Variants in CDS1 observed in about 807,000 individuals in gnomAD.
The protein encoded by CDS1 is CDP-diacylglycerol synthase 1, also known as phosphatidate cytidylyltransferase 1.
Under a neutral mutation model 62.1 loss-of-function variants are expected in CDS1, and 41 were observed. The observed-to-expected ratio is 0.66, with a 90% CI of 0.51 to 0.86. The LOEUF (loss-of-function observed/expected upper bound fraction) is 0.86, where lower values mean the gene tolerates loss of function less well. Ranked by LOEUF, CDS1 falls within the 40% of genes least tolerant of loss-of-function variation. The probability of loss-of-function intolerance (pLI) is 0.00; values close to 1 mark genes in which losing one functional copy is unlikely to be tolerated. For synonymous variants in CDS1, 185 were observed against 192.6 expected (o/e 0.96, Z 0.32); for missense variants, 470 against 550.1 (o/e 0.85, Z 1.46).
intron 5 of CDS1, among the ~76,000 whole-genome samples, chr4:84,622,303 T>C (rs1024494891): frequency 6.6e-6 from 1 of 152,158 alleles, no homozygotes; most frequent in African/African-American, 2.4e-5. Flanking sequence ...TTAAAACAAC[T>C]GCGGGCCAGG....
At chr4:84,623,856 A>T (rs2148651085) in intron 5 of CDS1, among the ~76,000 whole-genome samples, 1 of 152,110 alleles carries the variant, frequency 6.6e-6, no homozygotes, top group African/African-American at 2.4e-5. Flanking sequence ...TCATGACTGC[A>T]GTTCGTGCCG....
rs751158004 is a variant in CDS1, at chr4:84,617,609, GGTTATAGAGTC to G, written c.389_399del (p.Gly130ValfsTer5). On this transcript the variant is annotated frameshift_variant, in exon 4 of 13. Coordinates refer to ENST00000295887, the MANE Select transcript of CDS1 (RefSeq NM_001263.4). LOFTEE classifies it high-confidence loss of function. ...ATGCTTCCATGAAATTATCACTATA[GGTTATAGAGTC>G]TATCATTCTTATGATCTACCATGGT... 4 of 1,597,566 alleles carry G rather than the reference GGTTATAGAGTC, an allele frequency of 2.5e-6. No homozygotes were observed.
intron 9 of CDS1, 89 bp downstream of exon 9, chr4:84,639,081 C>G: frequency 2.0e-6 from 1 of 502,202 alleles, no homozygotes; most frequent in East Asian, 3.7e-5. Flanking sequence ...AAAAATTAAA[C>G]CACAAAATGC....
intron 5 of CDS1, among the ~76,000 whole-genome samples, chr4:84,620,381 C>T (rs1419528704): frequency 6.6e-6 from 1 of 151,742 alleles, no homozygotes; most frequent in African/African-American, 2.4e-5. Flanking sequence ...CGCCACCACA[C>T]CCGACTAATT....
intron 1 of CDS1, among the ~76,000 whole-genome samples, chr4:84,600,786 AT>A (rs1190516438): frequency 6.6e-6 from 1 of 152,164 alleles, no homozygotes; most frequent in Admixed American, 6.5e-5. Flanking sequence ...TTTCATAGAC[AT>A]TTTAGAAAAA....
rs1390272631 is a variant in CDS1, at chr4:84,620,916, C to T, written c.580+1383C>T. Reference sequence around the variant, plus strand: ...TCTCTACTAAAAATACAGAATTAGCCGGGCATGGTGGTGCATGCTTGTAAT... The same window carrying T: ...TCTCTACTAAAAATACAGAATTAGCTGGGCATGGTGGTGCATGCTTGTAAT... On this transcript the variant is annotated intron_variant, in intron 5 of 12. Transcript: ENST00000295887. Among the ~76,000 whole-genome samples, 8 of 152,098 alleles carry T rather than the reference C, an allele frequency of 5.3e-5. No homozygotes were observed. The South Asian group carries it at 6.2e-4, about 12-fold the overall frequency.
At chr4:84,602,742 T>G (rs561008956) in intron 1 of CDS1, among the ~76,000 whole-genome samples, 3 of 152,254 alleles carry the variant, frequency 2.0e-5, no homozygotes, top group South Asian at 4.1e-4. Flanking sequence ...ATGTCCAAGC[T>G]CTGTGGCTTA....
intron 1 of CDS1, among the ~76,000 whole-genome samples, chr4:84,602,914 G>A (rs376210772): frequency 6.6e-6 from 1 of 152,050 alleles, no homozygotes; most frequent in Non-Finnish European, 1.5e-5. Flanking sequence ...TTTAGGGTAC[G>A]TTGACACATT....
chr4:84,615,272 G>A (rs1173400188), intron 3 of CDS1, among the ~76,000 whole-genome samples: 4 of 151,676 alleles, frequency 2.6e-5, no homozygotes, highest in Non-Finnish European at 4.4e-5. Context: ...TCTCTACTCC[G>A]CTACCACTTC....
At chr4:84,626,798 GGT>G (rs1723876131) in intron 5 of CDS1, among the ~76,000 whole-genome samples, 1 of 152,082 alleles carries the variant, frequency 6.6e-6, no homozygotes, top group Non-Finnish European at 1.5e-5. Context: ...TGGCATTGAG[GGT>G]CCGACTATGT....
intron 1 of CDS1, among the ~76,000 whole-genome samples, chr4:84,597,304 A>T (rs1446175614): frequency 6.6e-6 from 1 of 152,088 alleles, no homozygotes. Flanking sequence ...GTAGGATAGG[A>T]CCACAGAGCT....
chr4:84,632,219 T>G (rs1724042837), intron 6 of CDS1, among the ~76,000 whole-genome samples: 1 of 152,186 alleles, frequency 6.6e-6, no homozygotes, highest in African/African-American at 2.4e-5. Flanking sequence ...TCTACCATAT[T>G]GTTCTATGAA....
intron 9 of CDS1, 151 bp from the exon 10 acceptor site, chr4:84,640,687 T>C: frequency 1.5e-6 from 1 of 671,196 alleles, no homozygotes; most frequent in Non-Finnish European, 2.2e-6. Context: ...CATTTAACTT[T>C]GAAAATACAT....
intron 3 of CDS1, among the ~76,000 whole-genome samples, chr4:84,616,659 A>T (rs1348968680): frequency 6.6e-6 from 1 of 152,204 alleles, no homozygotes; most frequent in Non-Finnish European, 1.5e-5. Flanking sequence ...CTGAAAAGCT[A>T]GTCTGCTGTA....
chr4:84,624,205 C>T (rs1289429099), intron 5 of CDS1, among the ~76,000 whole-genome samples: 3 of 145,750 alleles, frequency 2.1e-5, no homozygotes, highest in East Asian at 2.0e-4. Flanking sequence ...ACCTGGGTGG[C>T]GGAACTTGCA....
chr4:84,626,226 C>T (rs144118979), intron 5 of CDS1, among the ~76,000 whole-genome samples: 3 of 152,148 alleles, frequency 2.0e-5, no homozygotes, highest in Admixed American at 1.3e-4. Flanking sequence ...ACAGGCTGAT[C>T]GTAGAACCCA....
chr4:84,617,249 A>C (rs902158444), intron 3 of CDS1, among the ~76,000 whole-genome samples: 7 of 152,206 alleles, frequency 4.6e-5, no homozygotes, highest in African/African-American at 1.7e-4. Context: ...TCAAGAATGA[A>C]GTAGTAATGA....
chr4:84,616,672 C>G (rs2120091), intron 3 of CDS1, among the ~76,000 whole-genome samples: 51,516 of 152,058 alleles, frequency 0.34, 8,945 homozygotes, highest in East Asian at 0.49. Flanking sequence ...CTGCTGTATT[C>G]ACAAAGATTT....
chr4:84,626,566 G>A (rs551982192), intron 5 of CDS1, among the ~76,000 whole-genome samples: 46 of 152,218 alleles, frequency 3.0e-4, no homozygotes, highest in Non-Finnish European at 5.0e-4. Flanking sequence ...GATTACAGGC[G>A]TGTATTACCA....
Sources: gnomAD v4.1 joint callset for allele counts (sites outside exome capture counted in the v4.1 genomes callset) on GRCh38, gnomAD v4.1.1 for gene constraint, MANE v1.5 for transcripts, NCBI Gene and HGNC (gene_info 2026-07-23, HGNC 2026-07-21) for gene names.